Variants in S100Z observed in about 807,000 individuals in gnomAD.
The protein encoded by S100Z is protein S100-Z.
A neutral mutation model predicts 8.5 loss-of-function variants in S100Z; 11 were observed. The observed-to-expected ratio is 1.30, with a 90% confidence interval of 0.82 to 2.15. The LOEUF (loss-of-function observed/expected upper bound fraction) is 2.15. Ranked by LOEUF, S100Z falls within the 30% of genes most tolerant of loss-of-function variation. S100Z has a pLI of 0.00. For missense variants in S100Z, 126 were observed against 117.9 expected (o/e 1.07, Z -0.32); for synonymous variants, 34 against 43.8 (o/e 0.78, Z 0.89).
chr5:76,855,687 G>T (rs531699228), intron 1 of S100Z, among the ~76,000 whole-genome samples: 28 of 152,284 alleles, frequency 1.8e-4, no homozygotes, highest in Middle Eastern at 3.4e-3. Flanking sequence ...GAGTTGCCTT[G>T]TCTCAGATGA....
Position 76,895,487 on chromosome 5 carries a change from C to A in S100Z, c.*2+17653C>A, listed in dbSNP as rs73764779. Among the ~76,000 whole-genome samples, 960 of 151,810 alleles carry A rather than the reference C, an allele frequency of 6.3e-3. 9 individuals carry two copies. The highest frequency in any genetic ancestry group is 0.022 in the African/African-American group (903 of 41,320). Reference sequence around the variant, plus strand: ...AGCCCAATGACAGTTTAAAAAAAAACCCCTGATGTCCAACTTACCCTGATG... The same window carrying A: ...AGCCCAATGACAGTTTAAAAAAAAAACCCTGATGTCCAACTTACCCTGATG... On this transcript the variant is annotated intron_variant, in intron 4 of 4. Coordinates refer to ENST00000317593, the MANE Select transcript of S100Z (RefSeq NM_130772.4).
downstream of S100Z, among the ~76,000 whole-genome samples, chr5:76,921,935 G>C (rs1160621436): frequency 6.6e-6 from 1 of 151,022 alleles, no homozygotes; most frequent in African/African-American, 2.4e-5. Context: ...GTTGCAGTGA[G>C]CTGAGATCAT....
intron 4 of S100Z, among the ~76,000 whole-genome samples, chr5:76,918,962 T>G (rs1202936742): frequency 6.6e-6 from 1 of 152,248 alleles, no homozygotes; most frequent in African/African-American, 2.4e-5. Context: ...CTTTTCAGAT[T>G]GCCTTCTCTC....
Position 76,864,386 on chromosome 5 carries a change from ATTTTTTTTTTTTTTT to A in S100Z, c.-175-5761_-175-5747del, listed in dbSNP as rs56206322. Among the ~76,000 whole-genome samples the A allele has an allele frequency of 4.7e-4, 34 of 72,176 alleles. 1 individual carries two copies. The South Asian group carries it at 5.7e-3, about 12-fold the overall frequency. 47.4% of individuals were successfully genotyped at this position (72,176 alleles called of 152,430 possible). A position where few individuals can be genotyped will look rare whatever the true frequency, so the allele number is the denominator to read the frequency against. On this transcript the variant is annotated intron_variant, in intron 1 of 4. Coordinates refer to ENST00000317593, the MANE Select transcript of S100Z (RefSeq NM_130772.4). ...TATGTTACTGCTTAATGCATACTAT[ATTTTTTTTTTTTTTT>A]TTTTTTTTTTTTTTTTTTGAGATGG... is the stretch of plus-strand genomic sequence containing the variant.
chr5:76,919,263 C>A (rs551487280), intron 4 of S100Z, among the ~76,000 whole-genome samples: 2 of 152,242 alleles, frequency 1.3e-5, no homozygotes, highest in South Asian at 4.2e-4. Context: ...GAGAAACCAC[C>A]AAATTGTCTT....
rs7711050 is a variant in S100Z, at chr5:76,864,619, G to A, written c.-175-5547G>A. ...GGGTTTTGCCATGTTGCCTAGGCTGGTCTCAAACTCCTGAGCTCAAGCGAG... is the reference window on the plus strand; with the variant it reads ...GGGTTTTGCCATGTTGCCTAGGCTGATCTCAAACTCCTGAGCTCAAGCGAG... On this transcript the variant is annotated intron_variant, in intron 1 of 4. Transcript: ENST00000317593. 9.4e-3 allele frequency among the ~76,000 whole-genome samples: 1,423 copies of A among 152,064 alleles called. 13 individuals are homozygous for A. Among genetic ancestry groups the A allele is most frequent in the African/African-American group, 0.032 (1,322 of 41,500 alleles).
chr5:76,932,814 A>AT, the S100Z span, among the ~76,000 whole-genome samples: 1 of 152,114 alleles, frequency 6.6e-6, no homozygotes, highest in African/African-American at 2.4e-5. Flanking sequence ...AAAGCTAGAC[A>AT]TTTTTTTCTG....
intron 4 of S100Z, among the ~76,000 whole-genome samples, chr5:76,898,362 C>T (rs867017841): frequency 7.9e-5 from 12 of 151,944 alleles, no homozygotes; most frequent in South Asian, 4.2e-4. Flanking sequence ...TTGGTCAGGC[C>T]GGTCTTGAAC....
At chr5:76,929,226 ATTT>A in the S100Z span, among the ~76,000 whole-genome samples, 1 of 152,158 alleles carries the variant, frequency 6.6e-6, no homozygotes, top group Non-Finnish European at 1.5e-5. Context: ...ATCAGCCTGG[ATTT>A]TTACATGGCA....
At chr5:76,950,736 T>G in the S100Z span, among the ~76,000 whole-genome samples, 1 of 151,070 alleles carries the variant, frequency 6.6e-6, no homozygotes, top group Non-Finnish European at 1.5e-5. Flanking sequence ...AGAACATATT[T>G]AAAAAAAAAA....
At position 76,895,743 on chromosome 5, in the gene S100Z, C is replaced by CCTTT. The variant is rs1191154403; in HGVS notation, c.*2+17922_*2+17925dup. Among the ~76,000 whole-genome samples, 19 of 148,854 alleles carry CCTTT rather than the reference C, an allele frequency of 1.3e-4. No individual in the cohort carries two copies. The South Asian group carries it at 4.1e-3, about 32-fold the overall frequency. ...AATATAGAGGGGTTTTTTTGCTTTC[C>CCTTT]CTTTCTTTCTTTCTTTTCTTCCTTT... is the stretch of plus-strand genomic sequence containing the variant. On this transcript the variant is annotated intron_variant, in intron 4 of 4. Coordinates refer to ENST00000317593, the MANE Select transcript of S100Z (RefSeq NM_130772.4).
intron 4 of S100Z, among the ~76,000 whole-genome samples, chr5:76,911,289 C>T (rs576695552): frequency 1.3e-5 from 2 of 152,208 alleles, no homozygotes; most frequent in South Asian, 4.1e-4. Context: ...GTACAAAAAC[C>T]GAACGGTCAG....
intron 4 of S100Z, among the ~76,000 whole-genome samples, chr5:76,919,497 A>G (rs572883578): frequency 1.3e-5 from 2 of 151,798 alleles, no homozygotes; most frequent in South Asian, 4.2e-4. Flanking sequence ...TTGGTGAGGT[A>G]TCTGTTCAGG....
At chr5:76,906,044 G>A (rs1052290452) in intron 4 of S100Z, among the ~76,000 whole-genome samples, 4 of 152,128 alleles carry the variant, frequency 2.6e-5, no homozygotes, top group East Asian at 1.9e-4. Context: ...TGCCCAGGCT[G>A]GTCTTGAAGT....
chr5:76,928,666 G>A, the S100Z span, among the ~76,000 whole-genome samples: 1 of 152,222 alleles, frequency 6.6e-6, no homozygotes, highest in African/African-American at 2.4e-5. Flanking sequence ...ATATCCAGAT[G>A]GGACTCTTTA....
chr5:76,896,722 A>G (rs1365510615), intron 4 of S100Z, among the ~76,000 whole-genome samples: 1 of 152,160 alleles, frequency 6.6e-6, no homozygotes, highest in African/African-American at 2.4e-5. Context: ...TTTTGGATAT[A>G]AGTAATTTTA....
At chr5:76,857,887 A>G (rs1289155803) in intron 1 of S100Z, among the ~76,000 whole-genome samples, 1 of 152,200 alleles carries the variant, frequency 6.6e-6, no homozygotes, top group African/African-American at 2.4e-5. Context: ...TAAGTTTATA[A>G]TAAAATGTAA....
chr5:76,952,330 G>A, the S100Z span, among the ~76,000 whole-genome samples: 65 of 152,318 alleles, frequency 4.3e-4, no homozygotes, highest in African/African-American at 1.5e-3. Flanking sequence ...ACAGCTACCT[G>A]GTCTAGGAGT....
intron 4 of S100Z, among the ~76,000 whole-genome samples, chr5:76,893,945 G>C (rs73764774): frequency 2.6e-3 from 403 of 152,210 alleles, no homozygotes; most frequent in African/African-American, 9.0e-3. Flanking sequence ...AAAAAATAAA[G>C]TTCTAAGCCC....
Sources: gnomAD v4.1 joint callset for allele counts (sites outside exome capture counted in the v4.1 genomes callset) on GRCh38, gnomAD v4.1.1 for gene constraint, MANE v1.5 for transcripts, NCBI Gene and HGNC (gene_info 2026-07-23, HGNC 2026-07-21) for gene names.